Variants in NOXO1 observed in about 807,000 individuals in gnomAD.
The protein encoded by NOXO1 is NADPH oxidase organizer 1, also known as NADPH oxidase regulatory protein.
Under a neutral mutation model 33.3 loss-of-function variants are expected in NOXO1, and 38 were observed. That is an observed-to-expected ratio of 1.14 (90% CI 0.88 to 1.50). NOXO1 has a LOEUF of 1.50. Among genes scored for constraint, NOXO1 ranks in the 40% most tolerant of loss-of-function variants. The pLI is 0.00. For missense variants in NOXO1, 675 were observed against 527.1 expected, an observed-to-expected ratio of 1.28 and a Z score of -2.75; for synonymous variants, 302 against 237.3, an observed-to-expected ratio of 1.27 and a Z score of -2.51.
intron 4 of NOXO1, 67 bp downstream of exon 4, chr16:1,980,300 C>T (rs1020425398): frequency 1.3e-6 from 2 of 1,539,554 alleles, no homozygotes; most frequent in Non-Finnish European, 8.7e-7. Flanking sequence ...GGCTGTTCCC[C>T]CCCACCCTGG....
intron 2 of NOXO1, 80 bp from the exon 3 acceptor site, chr16:1,980,811 CAG>C: frequency 6.7e-7 from 1 of 1,494,608 alleles, no homozygotes; most frequent in Non-Finnish European, 9.1e-7. Flanking sequence ...ACCCGGATGG[CAG>C]GGGCTGGGAG....
rs368624768 is a variant in NOXO1, at chr16:1,981,196, C to T, written c.-17G>A. On this transcript the variant is annotated 5_prime_UTR_variant, in exon 1 of 8. Transcript: ENST00000356120. ...GCCTGCCATGGCTGTGGCTTCCAGG[C>T]TGCAGATTCCTGAAATGGGCGAGGA... The T allele has an allele frequency of 1.4e-5, 23 of 1,613,422 alleles. No individual in the cohort carries two copies. In the African/African-American group the frequency reaches 2.7e-4, roughly 19 times the overall value.
In NOXO1 at chr16:1,981,212, T is replaced by C; in HGVS notation, c.-33A>G. On this transcript the variant is annotated 5_prime_UTR_variant, in exon 1 of 8. Transcript: ENST00000356120. ...GCTTCCAGGCTGCAGATTCCTGAAA[T>C]GGGCGAGGACCCTTCTGCCTCCCCG... 4 of 1,612,960 alleles carry C rather than the reference T, an allele frequency of 2.5e-6. No homozygotes were observed. The highest frequency in any genetic ancestry group is 2.7e-5 in the African/African-American group (2 of 75,024).
chr16:1,980,019 G>T lies in NOXO1; in HGVS notation c.564C>A (p.Asp188Glu). The change falls in exon 5 of 8, where the codon GAC becomes GAA. Residue 188 changes from aspartate (D) to glutamate (E), a missense_variant. Coordinates refer to ENST00000356120, the MANE Select transcript of NOXO1 (RefSeq NM_172167.3). ...TACCTGAGGGGTGCCGCAGCAGCAC[G>T]TCCAGGCTCTCCTGGGCCTGCGCCT... ...PFQAQAQESL[D>E]VLLRHPSGWW... The T allele has an allele frequency of 6.2e-7, 1 of 1,606,018 alleles. No individual in the cohort carries two copies. The highest frequency in any genetic ancestry group is 8.5e-7 in the Non-Finnish European group (1 of 1,177,524).
Position 1,979,511 on chromosome 16 carries a change from C to G in NOXO1, c.732G>C (p.Glu244Asp), listed in dbSNP as rs201968733. 4 of 1,611,492 alleles carry G rather than the reference C, an allele frequency of 2.5e-6. No individual in the cohort carries two copies. In the African/African-American group the frequency reaches 5.3e-5, roughly 22 times the overall value. Residue 244 changes from glutamate (E) to aspartate (D), a missense_variant, in exon 7 of 8, where the codon GAG becomes GAC. Glu to Asp is a conservative substitution (Grantham distance 45). Coordinates refer to ENST00000356120, the MANE Select transcript of NOXO1 (RefSeq NM_172167.3). ...CGGACAGCTCATCTGCGCGGCTGCTCTCGTAGGCGCGGGAAGCACAGAACT... is the reference window on the plus strand; with the variant it reads ...CGGACAGCTCATCTGCGCGGCTGCTGTCGTAGGCGCGGGAAGCACAGAACT... ...GPQFCASRAY[E>D]SSRADELSVP...
At chr16:1,979,392 T>C in intron 7 of NOXO1, 33 bp downstream of exon 7, 5 of 1,598,008 alleles carry the variant, frequency 3.1e-6, no homozygotes, top group South Asian at 1.1e-5. Context: ...CCGCCTCGGC[T>C]AGCCTGCCCT....
chr16:1,979,160 C>G lies in NOXO1; in HGVS notation c.1008G>C (p.Gln336His), dbSNP rs1015852871. ...TGCGTGTGACGGTGCAGCAGCGGCT[C>G]TGGATGGCGCCCGGCGAAGGTCGGG... ...VPTRPSPGAI[Q>H]SRCCTVTRRA... Residue 336 changes from glutamine to histidine, a missense_variant, in exon 8 of 8, where the codon CAG becomes CAC. By Grantham distance (24) the Gln-to-His change is conservative. Transcript: ENST00000356120. The G allele has an allele frequency of 1.5e-5, 22 of 1,460,740 alleles. No homozygotes were observed. The highest frequency in any genetic ancestry group is 1.9e-5 in the Non-Finnish European group (21 of 1,116,458). 90.5% of individuals were successfully genotyped at this position (1,460,740 alleles called of 1,614,324 possible). A position where few individuals can be genotyped will look rare whatever the true frequency, so the allele number is the denominator to read the frequency against.
At position 1,979,144 on chromosome 16, in the gene NOXO1, C is replaced by T. The variant is rs757511336; in HGVS notation, c.1024G>A (p.Val342Ile). ...CGCCGCTCCAGGGCCCTGCGTGTGACGGTGCAGCAGCGGCTCTGGATGGCG... is the reference window on the plus strand; with the variant it reads ...CGCCGCTCCAGGGCCCTGCGTGTGATGGTGCAGCAGCGGCTCTGGATGGCG... ...PGAIQSRCCT[V>I]TRRALERRPR... The change falls in exon 8 of 8, where the codon GTC (valine) becomes ATC (isoleucine). Residue 342 changes from valine (V) to isoleucine (I), a missense_variant. Coordinates refer to ENST00000356120, the MANE Select transcript of NOXO1 (RefSeq NM_172167.3). 26 of 1,466,958 alleles carry T rather than the reference C, an allele frequency of 1.8e-5. No homozygotes were observed. The Admixed American group carries it at 3.7e-4, about 21-fold the overall frequency. 90.9% of individuals were successfully genotyped at this position (1,466,958 alleles called of 1,614,324 possible).
chr16:1,979,948 C>A, intron 5 of NOXO1, 45 bp from the exon 6 acceptor site: 1 of 1,578,728 alleles, frequency 6.3e-7, no homozygotes, highest in Non-Finnish European at 8.6e-7. Flanking sequence ...GAGGCTCCCT[C>A]GGGTCCAGGA....
rs1484980687 is a variant in NOXO1, at chr16:1,980,103, A to G, written c.480T>C (p.Ala160=). The change falls in exon 5 of 8, where the codon GCT becomes GCC. Residue 160 remains alanine, a synonymous_variant. Transcript: ENST00000356120. ...AGGGCTGCAGGCAGCGCAGGCTCTG[A>G]GCCTCCAGACTGTGGATGGAGAGGC... ...AGRLSIHSLE[A]QSLRCLQPFC... 7 of 1,608,012 alleles carry G rather than the reference A, an allele frequency of 4.4e-6. No homozygotes were observed. Among genetic ancestry groups the G allele is most frequent in the Non-Finnish European group, 5.9e-6 (7 of 1,178,826 alleles).
rs535036306 is a variant in NOXO1, at chr16:1,978,978, A to G, written c.*74T>C. 3 of 1,382,140 alleles carry G rather than the reference A, an allele frequency of 2.2e-6. No individual in the cohort carries two copies. The South Asian group carries it at 4.0e-5, about 18-fold the overall frequency. 85.6% of individuals were successfully genotyped at this position (1,382,140 alleles called of 1,614,324 possible). On this transcript the variant is annotated 3_prime_UTR_variant, in exon 8 of 8. Coordinates refer to ENST00000356120, the MANE Select transcript of NOXO1 (RefSeq NM_172167.3). ...TGGCCCCCTCCCATCCCTGCTGGCC[A>G]GGGAGATCCGCCCTCCCCGCTCCTC...
In NOXO1 at chr16:1,980,107, T is replaced by C; in HGVS notation, c.476A>G (p.Glu159Gly). Residue 159 changes from glutamate to glycine, a missense_variant, in exon 5 of 8, where the codon GAG (glutamate) becomes GGG (glycine). Glu to Gly is a moderately conservative substitution (Grantham distance 98). Coordinates refer to ENST00000356120, the MANE Select transcript of NOXO1 (RefSeq NM_172167.3). ...CTGCAGGCAGCGCAGGCTCTGAGCC[T>C]CCAGACTGTGGATGGAGAGGCGGCC... ...AAGRLSIHSL[E>G]AQSLRCLQPF... 6.2e-7 allele frequency: 1 copy of C among 1,608,196 alleles called. No individual in the cohort carries two copies. The highest frequency in any genetic ancestry group is 8.5e-7 in the Non-Finnish European group (1 of 1,178,878).
At position 1,978,920 on chromosome 16, in the gene NOXO1, T is replaced by C; in HGVS notation, c.*132A>G. 8 of 1,120,562 alleles carry C rather than the reference T, an allele frequency of 7.1e-6. No homozygotes were observed. The South Asian group carries it at 7.2e-5, about 10-fold the overall frequency. 69.4% of individuals were successfully genotyped at this position (1,120,562 alleles called of 1,614,324 possible). A position where few individuals can be genotyped will look rare whatever the true frequency, so the allele number is the denominator to read the frequency against. ...CCGCACGCTTAGACGGTGGGGGTCATGCAGAACAAGCTTTACTCAGAGGAA... is the reference window on the plus strand; with the variant it reads ...CCGCACGCTTAGACGGTGGGGGTCACGCAGAACAAGCTTTACTCAGAGGAA... On this transcript the variant is annotated 3_prime_UTR_variant, in exon 8 of 8. Coordinates refer to ENST00000356120, the MANE Select transcript of NOXO1 (RefSeq NM_172167.3).
At position 1,980,145 on chromosome 16, in the gene NOXO1, AAG is replaced by A. The variant is rs2083471793; in HGVS notation, c.436_437del (p.Leu146PhefsTer31). 3 of 1,605,822 alleles carry A rather than the reference AAG, an allele frequency of 1.9e-6. No individual in the cohort carries two copies. Among genetic ancestry groups the A allele is most frequent in the African/African-American group, 1.3e-5 (1 of 74,982 alleles). ...VILPTPEEQPLSRAAGRLSIH... is the reference protein window; with the variant it reads ...VILPTPEEQPXSRAAGRLSIH... ...TGGAGAGGCGGCCCGCAGCGCGAGAAAGAGGCTGCTCCTCTGGGGTGGGCAGG... is the reference window on the plus strand; with the variant it reads ...TGGAGAGGCGGCCCGCAGCGCGAGAAAGGCTGCTCCTCTGGGGTGGGCAGG... On this transcript the variant is annotated frameshift_variant, in exon 5 of 8. Coordinates refer to ENST00000356120, the MANE Select transcript of NOXO1 (RefSeq NM_172167.3). LOFTEE classifies it high-confidence loss of function.
Position 1,979,253 on chromosome 16 carries a change from G to C in NOXO1, c.915C>G (p.Asp305Glu), listed in dbSNP as rs1450966897. The C allele has an allele frequency of 1.3e-6, 2 of 1,522,610 alleles. No homozygotes were observed. Among genetic ancestry groups the C allele is most frequent in the Non-Finnish European group, 1.8e-6 (2 of 1,141,798 alleles). The allele number at this position is 1,522,610 out of a possible 1,614,324, so 94.3% of individuals were successfully genotyped here. Residue 305 changes from aspartate (D) to glutamate (E), a missense_variant, in exon 8 of 8, where the codon GAC becomes GAG. Transcript: ENST00000356120. ...GGAAGCCCCGGGCCTCACCCGCCGG[G>C]TCGTCTCCTCCACGGAACCCCGTCC... ...LSGTGFRGGD[D>E]PAGEARGFPE...
At position 1,981,234 on chromosome 16, in the gene NOXO1, C is replaced by T. The variant is rs1374559339; in HGVS notation, c.-55G>A. 9 of 1,609,990 alleles carry T rather than the reference C, an allele frequency of 5.6e-6. No homozygotes were observed. The East Asian group carries it at 1.3e-4, about 24-fold the overall frequency. The stretch of plus-strand genomic sequence containing the variant: ...AAATGGGCGAGGACCCTTCTGCCTC[C>T]CCGTGCTTGAGAGGGCTCTGGGGGA... On this transcript the variant is annotated 5_prime_UTR_variant, in exon 1 of 8. Transcript: ENST00000356120.
In NOXO1 at chr16:1,980,445, C is replaced by A. The variant is rs755491243; in HGVS notation, c.323G>T (p.Arg108Leu). 6.2e-7 allele frequency: 1 copy of A among 1,602,138 alleles called. No individual in the cohort carries two copies. The highest frequency in any genetic ancestry group is 2.2e-5 in the East Asian group (1 of 44,874). ...AGTGATCGTCGGGCTCCGTGCCACG[C>A]GCTCTGCAGTCGCCAGCAGCCTCCG... ...YSRRLLATAE[R>L]VARSPTITGF... Residue 108 changes from arginine to leucine, a missense_variant, in exon 4 of 8, where the codon CGC becomes CTC. Coordinates refer to ENST00000356120, the MANE Select transcript of NOXO1 (RefSeq NM_172167.3).
At position 1,981,095 on chromosome 16, in the gene NOXO1, G is replaced by A. The variant is rs371355757; in HGVS notation, c.66+19C>T. 54 of 1,612,638 alleles carry A rather than the reference G, an allele frequency of 3.3e-5. No homozygotes were observed. Among genetic ancestry groups the A allele is most frequent in the Non-Finnish European group, 4.4e-5 (52 of 1,179,344 alleles). ...CCTTCCTATCCCTTGGGGCCACTAA[G>A]GACCCAGCCAGGTCTTACTTGGAGC... is the stretch of plus-strand genomic sequence containing the variant. On this transcript the variant is annotated intron_variant, in intron 1 of 7. Coordinates refer to ENST00000356120, the MANE Select transcript of NOXO1 (RefSeq NM_172167.3).
intron 4 of NOXO1, 44 bp from the exon 5 acceptor site, chr16:1,980,225 A>G (rs759395937): frequency 7.1e-6 from 11 of 1,553,862 alleles, no homozygotes; most frequent in Non-Finnish European, 9.6e-6. Context: ...GCGGATGGGG[A>G]GGGTGAAACT....
Sources: gnomAD v4.1 joint callset for allele counts on GRCh38, gnomAD v4.1.1 for gene constraint, MANE v1.5 for transcripts, NCBI Gene and HGNC (gene_info 2026-07-23, HGNC 2026-07-21) for gene names.